The following GNA14 variants were observed in gnomAD, a reference collection of about 807,000 sequenced individuals.
GNA14 encodes guanine nucleotide-binding protein subunit alpha-14.
In GNA14, 50 loss-of-function variants were observed where a neutral mutation model predicts 42.0. The observed-to-expected ratio is 1.19, with a 90% CI of 0.95 to 1.51. The LOEUF is 1.51. Ranked by LOEUF, GNA14 falls within the 40% of genes most tolerant of loss-of-function variation. GNA14 has a pLI of 0.00. For missense variants in GNA14, 473 were observed against 446.2 expected, an observed-to-expected ratio of 1.06 and a Z score of -0.54; for synonymous variants, 173 against 163.1, an observed-to-expected ratio of 1.06 and a Z score of -0.46.
rs374741897 is a variant in GNA14 at position 77,529,041 on chromosome 9, T to C, written c.309+28A>G. 230 of 1,602,000 alleles carry C rather than the reference T, an allele frequency of 1.4e-4. 3 individuals carry two copies. The South Asian group carries it at 2.4e-3, about 16-fold the overall frequency. ...GAGTGGGCAGGCATACATTCACAAA[T>C]AGGGCAAGCACTCCCTAAGCACGTT... On this transcript the variant is annotated intron_variant, in intron 2 of 6. Coordinates refer to ENST00000341700, the MANE Select transcript of GNA14 (RefSeq NM_004297.4).
chr9:77,602,352 G>A (rs1225818438), intron 1 of GNA14, among the ~76,000 whole-genome samples: 2 of 152,146 alleles, frequency 1.3e-5, no homozygotes, highest in Admixed American at 1.3e-4. Flanking sequence ...AAAACAAATA[G>A]TAATAACTTG....
intron 1 of GNA14, among the ~76,000 whole-genome samples, chr9:77,550,026 A>C (rs1837770132): frequency 6.6e-6 from 1 of 152,082 alleles, no homozygotes; most frequent in Admixed American, 6.5e-5. Context: ...AGATGTTTGC[A>C]AGGGGGTGTT....
At chr9:77,515,960 C>CAAAAAAAAAA (rs1158448237) in intron 2 of GNA14, among the ~76,000 whole-genome samples, 2,121 of 52,674 alleles carry the variant, frequency 0.04, 297 homozygotes, top group South Asian at 0.072. Flanking sequence ...CCCTGTCTCA[C>CAAAAAAAAAA]AAAAAAAAAA....
At chr9:77,448,781 C>T (rs1180632018) in intron 2 of GNA14, among the ~76,000 whole-genome samples, 1 of 152,184 alleles carries the variant, frequency 6.6e-6, no homozygotes, top group Admixed American at 6.5e-5. Flanking sequence ...TCTTTATGCT[C>T]AAACTTCTAG....
intron 1 of GNA14, among the ~76,000 whole-genome samples, chr9:77,642,031 C>T (rs1488740985): frequency 6.6e-6 from 1 of 150,402 alleles, no homozygotes; most frequent in Non-Finnish European, 1.5e-5. Flanking sequence ...AGTAAACAAA[C>T]AAAAAAAAAG....
At chr9:77,439,630 C>A (rs113336703) in intron 2 of GNA14, among the ~76,000 whole-genome samples, 2,332 of 152,068 alleles carry the variant, frequency 0.015, 27 homozygotes, top group Non-Finnish European at 0.024. Flanking sequence ...GAGTGAGATA[C>A]TGTTTCAAAA....
intron 2 of GNA14, among the ~76,000 whole-genome samples, chr9:77,508,031 A>G (rs992686389): frequency 1.3e-5 from 2 of 152,178 alleles, no homozygotes; most frequent in Admixed American, 6.6e-5. Flanking sequence ...GCTCACTCTT[A>G]TTAGTGGGTT....
At chr9:77,526,886 C>T (rs1255109860) in intron 2 of GNA14, among the ~76,000 whole-genome samples, 2 of 152,042 alleles carry the variant, frequency 1.3e-5, no homozygotes, top group Non-Finnish European at 2.9e-5. Flanking sequence ...GATGTCAAAC[C>T]ACATAAAACC....
In GNA14 at chr9:77,594,626, C is replaced by T. The variant is rs771594181; in HGVS notation, c.124+53044G>A. Among the ~76,000 whole-genome samples, 88 of 152,218 alleles carry T rather than the reference C, an allele frequency of 5.8e-4. 2 individuals are homozygous for T. Among genetic ancestry groups the T allele is most frequent in the Admixed American group, 3.7e-3 (57 of 15,288 alleles). The stretch of plus-strand genomic sequence containing the variant: ...TCTCTCCATTGTGAAAGGGGCCCCA[C>T]GCTCAATTTGAAAGTGTAATGGTTT... On this transcript the variant is annotated intron_variant, in intron 1 of 6. Coordinates refer to ENST00000341700, the MANE Select transcript of GNA14 (RefSeq NM_004297.4).
chr9:77,457,948 T>C (rs1587772805), intron 2 of GNA14, among the ~76,000 whole-genome samples: 1 of 152,218 alleles, frequency 6.6e-6, no homozygotes, highest in African/African-American at 2.4e-5. Context: ...TGAAAAACTC[T>C]TAAGCACACC....
At chr9:77,507,476 T>C (rs907888794) in intron 2 of GNA14, among the ~76,000 whole-genome samples, 2 of 152,206 alleles carry the variant, frequency 1.3e-5, no homozygotes, top group Non-Finnish European at 2.9e-5. Flanking sequence ...TCCAATGCCA[T>C]GGCTGAGAAA....
At chr9:77,639,747 T>A (rs1824230579) in intron 1 of GNA14, among the ~76,000 whole-genome samples, 1 of 152,212 alleles carries the variant, frequency 6.6e-6, no homozygotes, top group East Asian at 1.9e-4. Context: ...CGGAGCCTCC[T>A]CTCCAATTTC....
chr9:77,623,644 G>A (rs1823969542), intron 1 of GNA14, among the ~76,000 whole-genome samples: 1 of 152,180 alleles, frequency 6.6e-6, no homozygotes, highest in Non-Finnish European at 1.5e-5. Context: ...GTGGGGCGTT[G>A]CCTCACCTGG....
chr9:77,624,937 T>A lies in GNA14; in HGVS notation c.124+22733A>T, dbSNP rs1036598117. On this transcript the variant is annotated intron_variant, in intron 1 of 6. Transcript: ENST00000341700. Reference sequence around the variant, plus strand: ...ATTGACCGAAGTAGGCTTCAGAAGGTGGGTAATAACAAACTCCTCCGAGCT... The same window carrying A: ...ATTGACCGAAGTAGGCTTCAGAAGGAGGGTAATAACAAACTCCTCCGAGCT... Among the ~76,000 whole-genome samples the A allele has an allele frequency of 2.6e-4, 40 of 151,580 alleles. 1 individual carries two copies. The highest frequency in any genetic ancestry group is 8.3e-4 in the African/African-American group (34 of 41,208).
At chr9:77,618,607 TATATATATA>T (rs1483299195) in intron 1 of GNA14, among the ~76,000 whole-genome samples, 201 of 16,320 alleles carry the variant, frequency 0.012, 12 homozygotes, top group Non-Finnish European at 0.019. Context: ...TATATATATA[TATATATATA>T]TATATTTTTT....
intron 1 of GNA14, among the ~76,000 whole-genome samples, chr9:77,596,362 T>C (rs1367467224): frequency 1.3e-5 from 2 of 152,226 alleles, no homozygotes; most frequent in Non-Finnish European, 2.9e-5. Context: ...GAAAAGAAAC[T>C]TGTTGCATAT....
chr9:77,608,061 C>G (rs1823667375), intron 1 of GNA14, among the ~76,000 whole-genome samples: 1 of 152,130 alleles, frequency 6.6e-6, no homozygotes, highest in Non-Finnish European at 1.5e-5. Flanking sequence ...GGGGCTCTCA[C>G]AAAAAGCCTT....
intron 2 of GNA14, among the ~76,000 whole-genome samples, chr9:77,445,488 G>A (rs1482507500): frequency 6.7e-6 from 1 of 149,098 alleles, no homozygotes. Context: ...CAAGGCTGAA[G>A]GATCATTTGA....
At chr9:77,645,222 C>T (rs1413897945) in intron 1 of GNA14, among the ~76,000 whole-genome samples, 2 of 152,190 alleles carry the variant, frequency 1.3e-5, no homozygotes, top group Non-Finnish European at 2.9e-5. Context: ...CTCCCATTTG[C>T]AAAGTGAGGT....
Sources: gnomAD v4.1 joint callset for allele counts (sites outside exome capture counted in the v4.1 genomes callset) on GRCh38, gnomAD v4.1.1 for gene constraint, MANE v1.5 for transcripts, NCBI Gene and HGNC (gene_info 2026-07-23, HGNC 2026-07-21) for gene names.